MACROD2: variants seen among roughly 807,000 people sequenced by gnomAD.
The protein encoded by MACROD2 is mono-ADP ribosylhydrolase 2, also known as ADP-ribose glycohydrolase MACROD2.
A neutral mutation model predicts 70.4 loss-of-function variants in MACROD2; 36 were observed. That is an observed-to-expected ratio of 0.51 (90% CI 0.39 to 0.68). The LOEUF (loss-of-function observed/expected upper bound fraction) is 0.68. Among genes scored for constraint, MACROD2 ranks in the 30% least tolerant of loss-of-function variants. MACROD2 has a pLI of 0.00. For missense variants in MACROD2, 496 were observed against 538.4 expected (o/e 0.92, Z 0.78); for synonymous variants, 172 against 178.8 (o/e 0.96, Z 0.30).
intron 5 of MACROD2, among the ~76,000 whole-genome samples, chr20:15,107,410 A>T (rs944915281): frequency 3.3e-5 from 5 of 152,158 alleles, no homozygotes; most frequent in African/African-American, 1.2e-4. Context: ...TAATTTTGCT[A>T]AAACTGGGTT....
intron 5 of MACROD2, among the ~76,000 whole-genome samples, chr20:14,692,600 G>C (rs912416558): frequency 6.6e-6 from 1 of 152,112 alleles, no homozygotes; most frequent in African/African-American, 2.4e-5. Flanking sequence ...TCTTGTCTTT[G>C]TCATAATCAT....
intron 5 of MACROD2, among the ~76,000 whole-genome samples, chr20:14,783,014 T>G (rs1439173979): frequency 6.6e-6 from 1 of 151,938 alleles, no homozygotes; most frequent in East Asian, 1.9e-4. Context: ...TTGCTGAGAG[T>G]TGGGGGAGCC....
intron 8 of MACROD2, among the ~76,000 whole-genome samples, chr20:15,506,218 C>T (rs569877309): frequency 3.3e-5 from 5 of 152,132 alleles, no homozygotes; most frequent in African/African-American, 4.8e-5. Flanking sequence ...GAAGTAGAGA[C>T]GTTGGTTTCT....
intron 5 of MACROD2, among the ~76,000 whole-genome samples, chr20:14,941,316 G>A (rs759516896): frequency 6.6e-6 from 1 of 151,872 alleles, no homozygotes; most frequent in East Asian, 1.9e-4. Flanking sequence ...TGGTAGTCCT[G>A]CCTCACCTCT....
chr20:15,970,738 T>A (rs2066217481), intron 13 of MACROD2, among the ~76,000 whole-genome samples: 2 of 152,144 alleles, frequency 1.3e-5, no homozygotes, highest in Non-Finnish European at 2.9e-5. Flanking sequence ...AACTCCTCAG[T>A]CTTCAACTGG....
chr20:15,891,765 A>T (rs1666274334), intron 10 of MACROD2, among the ~76,000 whole-genome samples: 1 of 152,218 alleles, frequency 6.6e-6, no homozygotes, highest in Non-Finnish European at 1.5e-5. Flanking sequence ...CTGTGGAAAG[A>T]ACATGCTTAT....
chr20:14,030,873 C>T (rs1305662244), intron 2 of MACROD2, among the ~76,000 whole-genome samples: 1 of 151,664 alleles, frequency 6.6e-6, no homozygotes, highest in East Asian at 1.9e-4. Flanking sequence ...TACCAGGATT[C>T]TTTGTATACT....
chr20:14,399,756 A>G (rs1228686746), intron 3 of MACROD2, among the ~76,000 whole-genome samples: 1 of 152,190 alleles, frequency 6.6e-6, no homozygotes, highest in African/African-American at 2.4e-5. Context: ...TGATCATTTA[A>G]AAAAATTCTT....
chr20:15,262,125 A>G (rs569764654), intron 6 of MACROD2, among the ~76,000 whole-genome samples: 9 of 151,992 alleles, frequency 5.9e-5, no homozygotes, highest in African/African-American at 1.9e-4. Context: ...CTGTTATGCT[A>G]TCAAATACTA....
chr20:14,704,084 CT>C (rs1348489787), intron 5 of MACROD2, among the ~76,000 whole-genome samples: 1 of 152,092 alleles, frequency 6.6e-6, no homozygotes, highest in African/African-American at 2.4e-5. Flanking sequence ...CTCTGAATCT[CT>C]TTTCTCTTAT....
rs1340355163 is a variant in MACROD2, at chr20:15,508,006, C to T, written c.645+8159C>T. On this transcript the variant is annotated intron_variant, in intron 8 of 17. Transcript: ENST00000684519. ...GAGCTTGCCCAAATGCCCTGTCACCCATTCTTACTCTGGTGGGGAGCTCAT... is the reference window on the plus strand; with the variant it reads ...GAGCTTGCCCAAATGCCCTGTCACCTATTCTTACTCTGGTGGGGAGCTCAT... Among the ~76,000 whole-genome samples, 3 of 152,186 alleles carry T rather than the reference C, an allele frequency of 2.0e-5. No homozygotes were observed. The East Asian group carries it at 5.8e-4, about 29-fold the overall frequency.
intron 5 of MACROD2, among the ~76,000 whole-genome samples, chr20:14,972,155 C>T (rs1365372282): frequency 6.6e-6 from 1 of 152,214 alleles, no homozygotes; most frequent in Non-Finnish European, 1.5e-5. Flanking sequence ...GCAGAAAATG[C>T]CAGGCCATTA....
In MACROD2 at chr20:15,234,804, G is replaced by A. The variant is rs572252601; in HGVS notation, c.540+4743G>A. On this transcript the variant is annotated intron_variant, in intron 6 of 17. Transcript: ENST00000684519. ...AAAAATTTCTATTGAGCCAGGGCTGGAAAATGAAAATGCCTAATTTTGTAT... is the reference window on the plus strand; with the variant it reads ...AAAAATTTCTATTGAGCCAGGGCTGAAAAATGAAAATGCCTAATTTTGTAT... Among the ~76,000 whole-genome samples the A allele has an allele frequency of 5.3e-5, 8 of 152,224 alleles. No homozygotes were observed. The South Asian group carries it at 8.3e-4, about 16-fold the overall frequency.
chr20:14,921,271 A>C (rs568664575), intron 5 of MACROD2, among the ~76,000 whole-genome samples: 1 of 152,240 alleles, frequency 6.6e-6, no homozygotes, highest in South Asian at 2.1e-4. Flanking sequence ...CATCTACTCT[A>C]TTTAGATTTG....
intron 4 of MACROD2, among the ~76,000 whole-genome samples, chr20:14,533,822 G>A (rs544361613): frequency 2.0e-4 from 31 of 152,154 alleles, no homozygotes; most frequent in Admixed American, 2.0e-3. Flanking sequence ...TAAAGAATTT[G>A]AGAGCCTTCT....
At chr20:14,655,861 A>G (rs1253833428) in intron 4 of MACROD2, among the ~76,000 whole-genome samples, 1 of 152,226 alleles carries the variant, frequency 6.6e-6, no homozygotes, top group African/African-American at 2.4e-5. Context: ...AGAAAATGAT[A>G]GAGGCTATCC....
At chr20:15,954,545 G>A (rs929879872) in intron 12 of MACROD2, among the ~76,000 whole-genome samples, 1 of 152,174 alleles carries the variant, frequency 6.6e-6, no homozygotes, top group Non-Finnish European at 1.5e-5. Flanking sequence ...TGGAAAGACA[G>A]TATTTATGTT....
chr20:15,343,102 A>C (rs1301749169), intron 6 of MACROD2, among the ~76,000 whole-genome samples: 6 of 152,198 alleles, frequency 3.9e-5, no homozygotes, highest in Non-Finnish European at 5.9e-5. Flanking sequence ...AGTACAAAGC[A>C]AAAGGCATGT....
chr20:14,408,277 A>G (rs1231296631), intron 3 of MACROD2, among the ~76,000 whole-genome samples: 2 of 152,136 alleles, frequency 1.3e-5, no homozygotes, highest in Admixed American at 6.6e-5. Context: ...CCTCTGTCTT[A>G]TATCTGAGAA....
Sources: gnomAD v4.1 joint callset for allele counts (sites outside exome capture counted in the v4.1 genomes callset) on GRCh38, gnomAD v4.1.1 for gene constraint, MANE v1.5 for transcripts, NCBI Gene and HGNC (gene_info 2026-07-23, HGNC 2026-07-21) for gene names.